ANO4: variants seen among roughly 807,000 people sequenced by gnomAD.
ANO4 encodes anoctamin 4.
In ANO4, 69 loss-of-function variants were observed where a neutral mutation model predicts 141.9. That is an observed-to-expected ratio of 0.49 (90% confidence interval 0.40 to 0.59). ANO4 has a LOEUF of 0.59. ANO4 is among the 20% of genes least tolerant of loss of function. The pLI, the probability that ANO4 is intolerant of heterozygous loss-of-function variation, is 0.00. For missense variants in ANO4, 894 were observed against 1,162.2 expected (o/e 0.77, Z 3.36); for synonymous variants, 350 against 394.3 (o/e 0.89, Z 1.33).
At chr12:101,123,698 A>G (rs923191526) in intron 26 of ANO4, among the ~76,000 whole-genome samples, 3 of 152,082 alleles carry the variant, frequency 2.0e-5, no homozygotes, top group Non-Finnish European at 4.4e-5. Flanking sequence ...TATGTACCAC[A>G]TTTTTTTATC....
chr12:100,935,744 G>A (rs553352876), intron 3 of ANO4, among the ~76,000 whole-genome samples: 1 of 152,182 alleles, frequency 6.6e-6, no homozygotes, highest in Non-Finnish European at 1.5e-5. Flanking sequence ...GTGTCTGCCC[G>A]TGGTAGGCAC....
Position 101,094,311 on chromosome 12 carries a change from A to G in ANO4, c.1738+19A>G. 3 of 1,598,120 alleles carry G rather than the reference A, an allele frequency of 1.9e-6. No homozygotes were observed. The highest frequency in any genetic ancestry group is 1.7e-6 in the Non-Finnish European group (2 of 1,165,854). On this transcript the variant is annotated intron_variant, in intron 18 of 27. Transcript: ENST00000392977. ...AATTTAGGTGAGTGGAATCCTTTCTATTTCATAGAACTGTACTGTGGGCTA... is the reference window on the plus strand; with the variant it reads ...AATTTAGGTGAGTGGAATCCTTTCTGTTTCATAGAACTGTACTGTGGGCTA...
At chr12:101,053,393 A>G (rs531927284) in intron 14 of ANO4, among the ~76,000 whole-genome samples, 2 of 152,352 alleles carry the variant, frequency 1.3e-5, no homozygotes, top group African/African-American at 4.8e-5. Context: ...CTGCTGTAAC[A>G]TAGTACTACA....
chr12:100,969,074 A>G (rs1034292573), intron 5 of ANO4, among the ~76,000 whole-genome samples: 1 of 152,240 alleles, frequency 6.6e-6, no homozygotes, highest in African/African-American at 2.4e-5. Flanking sequence ...AGTAACCTGC[A>G]GTGTTCACTC....
At chr12:101,088,052 CCTCT>C (rs1377110452) in intron 17 of ANO4, among the ~76,000 whole-genome samples, 1 of 152,120 alleles carries the variant, frequency 6.6e-6, no homozygotes, top group Non-Finnish European at 1.5e-5. Flanking sequence ...TAGTGGCTTT[CCTCT>C]CTCTCACAGT....
chr12:100,833,490 C>T (rs948234338), intron 1 of ANO4, among the ~76,000 whole-genome samples: 1 of 152,030 alleles, frequency 6.6e-6, no homozygotes, highest in Admixed American at 6.6e-5. Context: ...TAGTCATAGC[C>T]TGAAGATTTA....
chr12:100,892,274 C>G (rs944740204), intron 1 of ANO4, among the ~76,000 whole-genome samples: 2 of 152,094 alleles, frequency 1.3e-5, no homozygotes, highest in Non-Finnish European at 2.9e-5. Context: ...TGGCTATATA[C>G]TACAACATTT....
At position 101,128,337 on chromosome 12, in the gene ANO4, CTTTT is replaced by C. The variant is rs771301255; in HGVS notation, c.*486_*489del. The C allele has an allele frequency of 1.1e-4, 16 of 152,344 alleles. No individual in the cohort carries two copies. The highest frequency in any genetic ancestry group is 3.3e-4 in the Admixed American group (5 of 15,266). The allele number at this position is 152,344 out of a possible 1,614,324, so 9.4% of individuals were successfully genotyped here. ...GACCCTGTTTACAACTTTTTCTTTCCTTTTTTTTAATTTTAGACCTTTCTGAGAA... is the reference window on the plus strand; with the variant it reads ...GACCCTGTTTACAACTTTTTCTTTCCTTTTAATTTTAGACCTTTCTGAGAA... On this transcript the variant is annotated 3_prime_UTR_variant, in exon 28 of 28. Transcript: ENST00000392977.
chr12:100,979,895 C>CTTTTTTTTTTTTTTTTTT (rs71091474), intron 7 of ANO4, among the ~76,000 whole-genome samples: 6 of 119,420 alleles, frequency 5.0e-5, no homozygotes, highest in African/African-American at 9.4e-5. Flanking sequence ...GCCCAGCTGA[C>CTTTTTTTTTTTTTTTTTT]TTTTTTTTTT....
chr12:100,804,213 G>C (rs1206893703), intron 1 of ANO4, among the ~76,000 whole-genome samples: 2 of 152,070 alleles, frequency 1.3e-5, no homozygotes, highest in African/African-American at 2.4e-5. Flanking sequence ...TTGGTTTTCT[G>C]TTCCTGTGTT....
At chr12:101,019,259 G>A (rs951333519) in intron 8 of ANO4, among the ~76,000 whole-genome samples, 20 of 152,024 alleles carry the variant, frequency 1.3e-4, no homozygotes, top group Admixed American at 3.3e-4. Context: ...TTTTGCATTC[G>A]TAAAAAGGGG....
intron 5 of ANO4, among the ~76,000 whole-genome samples, chr12:100,960,260 G>GCACGCACA (rs2043356888): frequency 6.7e-6 from 1 of 149,896 alleles, no homozygotes; most frequent in Admixed American, 6.7e-5. Flanking sequence ...TCACACACAC[G>GCACGCACA]CACACACACA....
intron 5 of ANO4, among the ~76,000 whole-genome samples, chr12:100,961,681 C>A (rs995125738): frequency 6.6e-6 from 1 of 152,154 alleles, no homozygotes; most frequent in African/African-American, 2.4e-5. Flanking sequence ...GATCAACATA[C>A]GAATTATTGA....
intron 17 of ANO4, among the ~76,000 whole-genome samples, chr12:101,091,005 G>C (rs2049748410): frequency 6.6e-6 from 1 of 152,292 alleles, no homozygotes; most frequent in African/African-American, 2.4e-5. Flanking sequence ...CTGGGAGCTA[G>C]GCTGCTAGGC....
intron 5 of ANO4, among the ~76,000 whole-genome samples, chr12:100,954,269 G>A (rs1171083210): frequency 1.3e-5 from 2 of 152,174 alleles, no homozygotes; most frequent in East Asian, 3.9e-4. Flanking sequence ...ATGAAGGTCA[G>A]GGAATCCACC....
exon 3 of ANO4, chr12:100,740,100 C>A (rs1321020089): frequency 1.4e-6 from 1 of 702,428 alleles, no homozygotes; most frequent in South Asian, 1.5e-5. Context: ...AGTCAAGACA[C>A]AACAGGTAAG....
intron 1 of ANO4, among the ~76,000 whole-genome samples, chr12:100,725,762 A>G (rs2031089593): frequency 6.6e-6 from 1 of 152,248 alleles, no homozygotes; most frequent in Admixed American, 6.5e-5. Context: ...TCCCCAAATC[A>G]GAGTGAAACG....
At chr12:101,030,641 A>G (rs1028017932) in intron 9 of ANO4, among the ~76,000 whole-genome samples, 4 of 152,170 alleles carry the variant, frequency 2.6e-5, no homozygotes, top group African/African-American at 7.2e-5. Flanking sequence ...AGCAAAATTG[A>G]AGGAGATAGA....
chr12:101,033,211 G>C (rs369630381), intron 9 of ANO4, among the ~76,000 whole-genome samples: 2 of 151,444 alleles, frequency 1.3e-5, no homozygotes, highest in Non-Finnish European at 2.9e-5. Context: ...GTAAACTATC[G>C]CAAGAACAAA....
Sources: allele counts gnomAD v4.1 joint callset (sites outside exome capture counted in the v4.1 genomes callset), GRCh38; gene constraint gnomAD v4.1.1; transcripts MANE v1.5; gene names NCBI Gene and HGNC (gene_info 2026-07-23, HGNC 2026-07-21).